IP6K3: variants seen among roughly 807,000 people sequenced by gnomAD.
IP6K3 encodes the protein inositol hexakisphosphate kinase 3.
In IP6K3, 20 loss-of-function variants were observed where a neutral mutation model predicts 28.8. The ratio of observed to expected loss-of-function variants is 0.70; its 90% CI spans 0.49 to 1.01. The LOEUF is 1.01. Among genes scored for constraint, IP6K3 ranks in the 50% least tolerant of loss-of-function variants. The pLI is 0.00. For synonymous variants in IP6K3, 213 were observed against 221.3 expected (o/e 0.96, Z 0.33); for missense variants, 480 against 537.1 (o/e 0.89, Z 1.05).
upstream of IP6K3, among the ~76,000 whole-genome samples, chr6:33,750,953 G>A (rs906775646): frequency 6.6e-6 from 1 of 152,100 alleles, no homozygotes; most frequent in South Asian, 2.1e-4. The surrounding 1 kb of genome is among the most constrained non-coding windows in gnomAD (Gnocchi z 4.3). Context: ...CATGGGTGGC[G>A]GCTACAGACC....
Position 33,725,610 on chromosome 6 carries a change from A to G in IP6K3, c.596T>C (p.Leu199Ser). 4 of 1,613,802 alleles carry G rather than the reference A, an allele frequency of 2.5e-6. No homozygotes were observed. Among genetic ancestry groups the G allele is most frequent in the Non-Finnish European group, 3.4e-6 (4 of 1,179,736 alleles). The change falls in exon 5 of 6, where the codon TTG becomes TCG. Residue 199 changes from leucine to serine, a missense_variant. Leu to Ser is a moderately radical substitution (Grantham distance 145). Coordinates refer to ENST00000293756, the MANE Select transcript of IP6K3 (RefSeq NM_054111.5). Reference protein sequence around the residue: ...EYPENKRHRFLLLENVVSQYT... With the variant: ...EYPENKRHRFSLLENVVSQYT... ...CTGTGACACTACATTTTCCAGCAACAAGAACCCTAGTCACACTAAGTTAAG... is the reference window on the plus strand; with the variant it reads ...CTGTGACACTACATTTTCCAGCAACGAGAACCCTAGTCACACTAAGTTAAG...
At chr6:33,760,622 G>T in the IP6K3 span, among the ~76,000 whole-genome samples, 2 of 152,182 alleles carry the variant, frequency 1.3e-5, no homozygotes, top group African/African-American at 4.8e-5. Context: ...CTGCCTTCTG[G>T]GTTCAAGCGA....
At chr6:33,750,994 A>T (rs1767013908), upstream of IP6K3, among the ~76,000 whole-genome samples, 1 of 152,058 alleles carries the variant, frequency 6.6e-6, no homozygotes. This position sits in a 1 kb window ranked among gnomAD's most constrained non-coding sequence, Gnocchi z 4.3. Context: ...CCCTCCTCCC[A>T]TGCTGGGCTC....
At position 33,722,992 on chromosome 6, in the gene IP6K3, A is replaced by G. The variant is rs745449491; in HGVS notation, c.961T>C (p.Phe321Leu). The change falls in exon 6 of 6, where the codon TTC becomes CTC. Residue 321 changes from phenylalanine to leucine, a missense_variant. Coordinates refer to ENST00000293756, the MANE Select transcript of IP6K3 (RefSeq NM_054111.5). ...ATGACAAGGAGAGAGCTGGAATAGA[A>G]GCGGTATGAACTCTGGCTCCTAATG... ...SVIRSQSSYR[F>L]YSSSLLVIYD... is the part of the protein sequence containing the mutation. 6.2e-6 allele frequency: 10 copies of G among 1,613,894 alleles called. No homozygotes were observed. In the East Asian group the frequency reaches 2.2e-4, roughly 36 times the overall value.
rs757490855 is a variant in IP6K3, at chr6:33,725,539, G to A, written c.667C>T (p.His223Tyr). ...TTCTCCTCCGATGCATCATCGCCGTGCTGCCGGGTCCCCATCTTCAGATCC... is the reference window on the plus strand; with the variant it reads ...TTCTCCTCCGATGCATCATCGCCGTACTGCCGGGTCCCCATCTTCAGATCC... ...VLDLKMGTRQ[H>Y]GDDASEEKKA... The change falls in exon 5 of 6, where the codon CAC (histidine) becomes TAC (tyrosine). Residue 223 changes from histidine (H) to tyrosine (Y), a missense_variant. Coordinates refer to ENST00000293756, the MANE Select transcript of IP6K3 (RefSeq NM_054111.5). 2 of 1,614,142 alleles carry A rather than the reference G, an allele frequency of 1.2e-6. No homozygotes were observed. The highest frequency in any genetic ancestry group is 1.7e-6 in the Non-Finnish European group (2 of 1,180,026).
the IP6K3 span, among the ~76,000 whole-genome samples, chr6:33,753,801 CTTTAT>C: frequency 2.7e-5 from 4 of 150,574 alleles, no homozygotes; most frequent in Non-Finnish European, 5.9e-5. Context: ...TTGGCCTTTA[CTTTAT>C]TTTATTTTAT....
At position 33,728,445 on chromosome 6, in the gene IP6K3, T is replaced by C. The variant is rs1008734614; in HGVS notation, c.200-145A>G. On this transcript the variant is annotated intron_variant, in intron 2 of 5. Transcript: ENST00000293756. ...CCCAGCTCCTCTCTCAAGGAAGAGC[T>C]ATGGGACTGGCCTGGTTTTGCCTGA... 4.0e-6 allele frequency: 3 copies of C among 749,754 alleles called. No individual in the cohort carries two copies. The Admixed American group carries it at 6.9e-5, about 17-fold the overall frequency. The allele number at this position is 749,754 out of a possible 1,614,324, so 46.4% of individuals were successfully genotyped here.
chr6:33,725,543 C>T lies in IP6K3; in HGVS notation c.663G>A (p.Arg221=), dbSNP rs200829200. The T allele has an allele frequency of 6.2e-7, 1 of 1,614,176 alleles. No individual in the cohort carries two copies. Among genetic ancestry groups the T allele is most frequent in the Non-Finnish European group, 8.5e-7 (1 of 1,180,018 alleles). The change falls in exon 5 of 6, where the codon CGG becomes CGA. Residue 221 remains arginine (R), a synonymous_variant. Transcript: ENST00000293756. ...PCVLDLKMGT[R]QHGDDASEEK... The stretch of plus-strand genomic sequence containing the variant: ...CCTCCGATGCATCATCGCCGTGCTG[C>T]CGGGTCCCCATCTTCAGATCCAGGA...
upstream of IP6K3, among the ~76,000 whole-genome samples, chr6:33,748,543 G>A (rs74937211): frequency 4.7e-3 from 702 of 150,174 alleles, 24 homozygotes; most frequent in East Asian, 0.088. Flanking sequence ...AGAGGCAGAG[G>A]CAGGAGGAAT....
chr6:33,754,313 G>A, the IP6K3 span, among the ~76,000 whole-genome samples: 8 of 152,050 alleles, frequency 5.3e-5, no homozygotes, highest in African/African-American at 9.7e-5. Flanking sequence ...GGTGCAAGGC[G>A]GCATCTCTCT....
intron 1 of IP6K3, among the ~76,000 whole-genome samples, chr6:33,736,498 G>C (rs531443435): frequency 6.6e-6 from 1 of 151,866 alleles, no homozygotes; most frequent in Admixed American, 6.6e-5. Flanking sequence ...TTTGCCTCCC[G>C]GGTTCAAGCG....
In IP6K3 at chr6:33,722,830, AT is replaced by A; in HGVS notation, c.1122del (p.Tyr375ThrfsTer49). Reference protein sequence around the residue: ...DIRMIDFAHTTYKGYWNEHTT... With the variant: ...DIRMIDFAHTXYKGYWNEHTT... ...GTGTGCTCATTCCAGTAGCCCTTGT[AT>A]GTGGTATGAGCAAAGTCAATCATGC... On this transcript the variant is annotated frameshift_variant, in exon 6 of 6. Transcript: ENST00000293756. LOFTEE classifies it high-confidence loss of function. The A allele has an allele frequency of 6.2e-7, 1 of 1,614,072 alleles. No homozygotes were observed. The highest frequency in any genetic ancestry group is 1.3e-5 in the African/African-American group (1 of 75,008).
chr6:33,729,529 G>A (rs961476270), intron 2 of IP6K3, among the ~76,000 whole-genome samples: 1 of 152,128 alleles, frequency 6.6e-6, no homozygotes, highest in Non-Finnish European at 1.5e-5. Context: ...GAGAAAGGAT[G>A]GGCGTTTATT....
At position 33,742,335 on chromosome 6, in the gene IP6K3, A is replaced by C. The variant is rs1321919539; in HGVS notation, c.-180+4423T>G. ...CTCGGAGACCCAGGACCAAGACCCA[A>C]GTCAGGCTCTTAGGGCCAGGGTGCT... On this transcript the variant is annotated intron_variant, in intron 1 of 5. Transcript: ENST00000293756. The surrounding 1 kb of genome is among the most constrained non-coding windows in gnomAD (Gnocchi z 4.5). 6.6e-6 allele frequency among the ~76,000 whole-genome samples: 1 copy of C among 152,154 alleles called. No individual in the cohort carries two copies. The highest frequency in any genetic ancestry group is 1.5e-5 in the Non-Finnish European group (1 of 68,020).
the IP6K3 span, among the ~76,000 whole-genome samples, chr6:33,761,866 G>A: frequency 0.017 from 2,588 of 152,106 alleles, 60 homozygotes; most frequent in African/African-American, 0.05. Flanking sequence ...CAGTCTCCTG[G>A]CCCCAGGAGA....
chr6:33,738,435 G>T (rs547556432), intron 1 of IP6K3, among the ~76,000 whole-genome samples: 1 of 152,230 alleles, frequency 6.6e-6, no homozygotes, highest in Non-Finnish European at 1.5e-5. Context: ...ATGTCACCGC[G>T]GCAAGGTGTG....
chr6:33,755,890 G>A, the IP6K3 span, among the ~76,000 whole-genome samples: 1 of 152,232 alleles, frequency 6.6e-6, no homozygotes, highest in African/African-American at 2.4e-5. Context: ...TTGAGATGGA[G>A]TCTTGCTCTT....
At chr6:33,733,938 C>T (rs1489613345) in intron 2 of IP6K3, among the ~76,000 whole-genome samples, 4 of 152,210 alleles carry the variant, frequency 2.6e-5, no homozygotes, top group Non-Finnish European at 5.9e-5. Context: ...CGCAGTGGCT[C>T]ACGCCTGTAA....
rs950423946 is a variant in IP6K3 at position 33,729,264 on chromosome 6, G to A, written c.200-964C>T. 6.6e-5 allele frequency among the ~76,000 whole-genome samples: 10 copies of A among 152,346 alleles called. No homozygotes were observed. In the East Asian group the frequency reaches 9.6e-4, roughly 15 times the overall value. On this transcript the variant is annotated intron_variant, in intron 2 of 5. Transcript: ENST00000293756. The stretch of plus-strand genomic sequence containing the variant: ...TTGGCCTCCAGTGGTGCCTGGCCTC[G>A]CCAGAGTCTTGGTAGTAGCACAGGA...
Sources: allele counts gnomAD v4.1 joint callset (sites outside exome capture counted in the v4.1 genomes callset), GRCh38; gene constraint gnomAD v4.1.1; non-coding constraint Gnocchi (gnomAD v3.1); transcripts MANE v1.5; gene names NCBI Gene and HGNC (gene_info 2026-07-23, HGNC 2026-07-21).